The following TNFSF8 variants were observed in gnomAD, a reference collection of about 807,000 sequenced individuals.
TNFSF8 encodes the protein tumor necrosis factor ligand superfamily member 8.
In TNFSF8, 4 loss-of-function variants were observed where a neutral mutation model predicts 22.0. That is an observed-to-expected ratio of 0.18 (90% CI 0.09 to 0.42). The LOEUF is 0.42. TNFSF8 is among the 10% of genes least tolerant of loss of function. The pLI, the probability that TNFSF8 is intolerant of heterozygous loss-of-function variation, is 1.00. For synonymous variants in TNFSF8, 106 were observed against 112.5 expected, an observed-to-expected ratio of 0.94 and a Z score of 0.37; for missense variants, 233 against 281.8, an observed-to-expected ratio of 0.83 and a Z score of 1.24.
intron 2 of TNFSF8, among the ~76,000 whole-genome samples, chr9:114,913,081 A>T (rs889781801): frequency 6.6e-6 from 1 of 152,204 alleles, no homozygotes. Context: ...AGACCCTGAG[A>T]GGGAAAGTGA....
chr9:114,904,895 G>A (rs752531153), intron 3 of TNFSF8, among the ~76,000 whole-genome samples: 2 of 152,154 alleles, frequency 1.3e-5, no homozygotes, highest in African/African-American at 2.4e-5. Flanking sequence ...ATCCTCTAAC[G>A]GTTCATTGTC....
At chr9:114,906,213 C>T (rs1258647351) in intron 2 of TNFSF8, among the ~76,000 whole-genome samples, 1 of 152,148 alleles carries the variant, frequency 6.6e-6, no homozygotes, top group Non-Finnish European at 1.5e-5. Flanking sequence ...TATTTCATCT[C>T]CTTAATCTTT....
intron 2 of TNFSF8, among the ~76,000 whole-genome samples, chr9:114,915,908 T>C (rs1488234671): frequency 6.6e-6 from 1 of 152,238 alleles, no homozygotes; most frequent in Non-Finnish European, 1.5e-5. Context: ...CATTGAATTG[T>C]AAACTGAGGT....
Position 114,930,209 on chromosome 9 carries a change from C to T in TNFSF8, c.95G>A (p.Gly32Glu), listed in dbSNP as rs368943241. The T allele has an allele frequency of 2.3e-5, 37 of 1,606,058 alleles. 1 individual carries two copies. The highest frequency in any genetic ancestry group is 2.9e-5 in the Non-Finnish European group (34 of 1,176,160). The change falls in exon 1 of 4, where the codon GGG becomes GAG. Residue 32 changes from glycine to glutamate, a missense_variant. Gly to Glu is a moderately conservative substitution (Grantham distance 98). Transcript: ENST00000223795. ...VPAGSVASHL[G>E]TTSRSYFYLT... is the part of the protein sequence containing the mutation. Reference sequence around the variant, plus strand: ...ATAGAAATAGCTGCGGCTCGTGGTCCCCAGGTGGCTGGCCACGGAGCCCGC... The same window carrying T: ...ATAGAAATAGCTGCGGCTCGTGGTCTCCAGGTGGCTGGCCACGGAGCCCGC...
In TNFSF8 at chr9:114,930,575, G is replaced by T; in HGVS notation, c.-272C>A. 2 of 323,884 alleles carry T rather than the reference G, an allele frequency of 6.2e-6. No individual in the cohort carries two copies. Among genetic ancestry groups the T allele is most frequent in the Non-Finnish European group, 1.1e-5 (2 of 176,764 alleles). The allele number at this position is 323,884 out of a possible 1,614,324, so 20.1% of individuals were successfully genotyped here. On this transcript the variant is annotated 5_prime_UTR_variant, in exon 1 of 4. Transcript: ENST00000223795. The stretch of plus-strand genomic sequence containing the variant: ...CAGAGAAGGTGGCTGATGTCAGAGG[G>T]CGCGTAGGAAAATGACGGTTCCCCG...
At chr9:114,916,139 C>A (rs893934841) in intron 2 of TNFSF8, among the ~76,000 whole-genome samples, 11 of 152,072 alleles carry the variant, frequency 7.2e-5, no homozygotes, top group Non-Finnish European at 1.5e-4. Context: ...AAAAAACAAG[C>A]CAACTTAACT....
chr9:114,916,853 G>A (rs771024646), intron 2 of TNFSF8, among the ~76,000 whole-genome samples: 34 of 152,224 alleles, frequency 2.2e-4, no homozygotes, highest in African/African-American at 5.8e-4. Context: ...CTGGCCCTTC[G>A]TAGAAAAAGT....
At chr9:114,898,196 G>T (rs1743133162), downstream of TNFSF8, among the ~76,000 whole-genome samples, 1 of 151,968 alleles carries the variant, frequency 6.6e-6, no homozygotes, top group East Asian at 1.9e-4. Flanking sequence ...TAGAGACAAG[G>T]TTTCACTATG....
At chr9:114,907,407 T>C (rs1827798055) in intron 2 of TNFSF8, among the ~76,000 whole-genome samples, 1 of 152,200 alleles carries the variant, frequency 6.6e-6, no homozygotes, top group Non-Finnish European at 1.5e-5. Flanking sequence ...ACCCCAACAC[T>C]AATGGCTGCT....
intron 1 of TNFSF8, among the ~76,000 whole-genome samples, chr9:114,924,381 TAAAGA>T (rs899758067): frequency 1.3e-5 from 2 of 152,138 alleles, no homozygotes; most frequent in African/African-American, 4.8e-5. Flanking sequence ...TTTGAACAAG[TAAAGA>T]AATTAAAATA....
chr9:114,923,522 C>CTTTCTTTCTTTCTTTCTTTCTTTCTTTCT (rs758823996), intron 1 of TNFSF8, among the ~76,000 whole-genome samples: 9 of 89,746 alleles, frequency 1.0e-4, no homozygotes, highest in African/African-American at 2.4e-4. Context: ...TTCTTTCTTT[C>CTTTCTTTCTTTCTTTCTTTCTTTCTTTCT]TTTTTTTTTT....
At chr9:114,929,776 C>T (rs575884236) in intron 1 of TNFSF8, among the ~76,000 whole-genome samples, 1 of 151,826 alleles carries the variant, frequency 6.6e-6, no homozygotes, top group Admixed American at 6.6e-5. Flanking sequence ...TTTGCTCAGA[C>T]AGATCTGCAA....
rs541067021 is a variant in TNFSF8 at position 114,928,004 on chromosome 9, G to A, written c.195+2105C>T. Among the ~76,000 whole-genome samples, 5 of 152,094 alleles carry A rather than the reference G, an allele frequency of 3.3e-5. No individual in the cohort carries two copies. In the East Asian group the frequency reaches 7.7e-4, roughly 23 times the overall value. On this transcript the variant is annotated intron_variant, in intron 1 of 3. Coordinates refer to ENST00000223795, the MANE Select transcript of TNFSF8 (RefSeq NM_001244.4). The stretch of plus-strand genomic sequence containing the variant: ...CTTGTTAGGTCTTACAACAGTTAAG[G>A]TCTGAGGAATTTATTGAAAATGATA...
At chr9:114,929,975 T>TACAG in intron 1 of TNFSF8, 134 bp downstream of exon 1, 1 of 330,178 alleles carries the variant, frequency 3.0e-6, no homozygotes, top group Non-Finnish European at 5.3e-6. Flanking sequence ...TATATATATA[T>TACAG]ATAGAGAGAG....
chr9:114,926,005 CT>C (rs1197540494), intron 1 of TNFSF8, among the ~76,000 whole-genome samples: 1 of 152,058 alleles, frequency 6.6e-6, no homozygotes, highest in African/African-American at 2.4e-5. Context: ...ATTTTTTCTT[CT>C]TTTGCTTTGC....
Position 114,930,378 on chromosome 9 carries a change from A to G in TNFSF8, c.-75T>C. ...CAGTTCTGGGCCCATCTCTGTTCCA[A>G]GAAGGATTCTCCCCCTGAATCCTGA... On this transcript the variant is annotated 5_prime_UTR_variant, in exon 1 of 4. Coordinates refer to ENST00000223795, the MANE Select transcript of TNFSF8 (RefSeq NM_001244.4). 2 of 1,206,886 alleles carry G rather than the reference A, an allele frequency of 1.7e-6. No homozygotes were observed. Among genetic ancestry groups the G allele is most frequent in the South Asian group, 2.3e-5 (1 of 43,614 alleles). The allele number at this position is 1,206,886 out of a possible 1,614,324, so 74.8% of individuals were successfully genotyped here. A position where few individuals can be genotyped will look rare whatever the true frequency, so the allele number is the denominator to read the frequency against.
chr9:114,913,911 A>G (rs1827883067), intron 2 of TNFSF8, among the ~76,000 whole-genome samples: 1 of 152,208 alleles, frequency 6.6e-6, no homozygotes, highest in Non-Finnish European at 1.5e-5. Flanking sequence ...TACGGATGCA[A>G]TGAGGGAGTA....
intron 1 of TNFSF8, among the ~76,000 whole-genome samples, chr9:114,927,555 C>T (rs919700479): frequency 3.2e-4 from 49 of 152,150 alleles, no homozygotes; most frequent in Non-Finnish European, 2.8e-4. Flanking sequence ...GAAACTAATC[C>T]CCAGGAGTTT....
chr9:114,893,915 A>G (rs1827630361), exon 5 of TNFSF8: 1 of 594,770 alleles, frequency 1.7e-6, no homozygotes, highest in Non-Finnish European at 3.0e-6. Flanking sequence ...ATTCCAAATC[A>G]TGGACAGGTC....
Sources: gnomAD v4.1 joint callset for allele counts (sites outside exome capture counted in the v4.1 genomes callset) on GRCh38, gnomAD v4.1.1 for gene constraint, MANE v1.5 for transcripts, NCBI Gene and HGNC (gene_info 2026-07-23, HGNC 2026-07-21) for gene names.